CDK5RAP3: variants seen among roughly 807,000 people sequenced by gnomAD.
The protein encoded by CDK5RAP3 is CDK5 regulatory subunit-associated protein 3.
A neutral mutation model predicts 73.3 loss-of-function variants in CDK5RAP3; 58 were observed. The observed-to-expected ratio is 0.79, with a 90% confidence interval of 0.64 to 0.98. The LOEUF (loss-of-function observed/expected upper bound fraction) is 0.98, where lower values mean the gene tolerates loss of function less well. Among genes scored for constraint, CDK5RAP3 ranks in the 50% least tolerant of loss-of-function variants. The pLI is 0.00. For missense variants in CDK5RAP3, 525 were observed against 615.8 expected (o/e 0.85, Z 1.56); for synonymous variants, 224 against 247.5 (o/e 0.91, Z 0.89).
intron 10 of CDK5RAP3, 129 bp from the exon 11 acceptor site, chr17:47,978,700 A>G (rs1008254655): frequency 5.9e-6 from 4 of 679,490 alleles, no homozygotes; most frequent in Non-Finnish European, 1.0e-5. Flanking sequence ...TCCCCCTTGG[A>G]TTAGAACAAG....
chr17:47,979,323 C>G (rs1039942450), intron 11 of CDK5RAP3: 1 of 170,732 alleles, frequency 5.9e-6, no homozygotes, highest in African/African-American at 2.4e-5. Flanking sequence ...ATCTGGTGGT[C>G]AGGGAAGGCC....
chr17:47,975,602 TG>T lies in CDK5RAP3; in HGVS notation c.607del (p.Glu203LysfsTer72). On this transcript the variant is annotated frameshift_variant, in exon 7 of 14. Coordinates refer to ENST00000338399, the MANE Select transcript of CDK5RAP3 (RefSeq NM_176096.3). LOFTEE classifies it high-confidence loss of function. The part of the protein sequence containing the change: ...AEIGAAAQQS[L>X]GEAIDVYQAS... ...ATTGGGGCAGCGGCTCAGCAGTCCC[TG>T]GGGGAAGCCATTGACGTGTACCAGG... 6.2e-7 allele frequency: 1 copy of T among 1,608,512 alleles called. No homozygotes were observed.
chr17:47,974,433 GACA>G lies in CDK5RAP3; in HGVS notation c.323_325del (p.Asn108del). ...GGAGATTATAGCTCTGTATGAGAAG[GACA>G]ACACCTACTTAGGTAAAGTGGCCCG... On this transcript the variant is annotated inframe_deletion, in exon 5 of 14. Coordinates refer to ENST00000338399, the MANE Select transcript of CDK5RAP3 (RefSeq NM_176096.3). The G allele has an allele frequency of 6.2e-7, 1 of 1,614,170 alleles. No homozygotes were observed. The highest frequency in any genetic ancestry group is 8.5e-7 in the Non-Finnish European group (1 of 1,180,016).
chr17:47,976,576 C>G (rs1274369051), intron 8 of CDK5RAP3, 136 bp from the exon 9 acceptor site: 1 of 613,324 alleles, frequency 1.6e-6, no homozygotes, highest in Non-Finnish European at 3.0e-6. Context: ...ATTGCCCAGG[C>G]TGGTCTCAAA....
chr17:47,980,929 G>A, intron 12 of CDK5RAP3, 131 bp downstream of exon 12: 1 of 1,005,982 alleles, frequency 9.9e-7, no homozygotes, highest in Non-Finnish European at 1.5e-6. Flanking sequence ...GGGGATAGGG[G>A]TTCTCTTTGG....
At chr17:47,977,450 T>C (rs1001979087) in intron 9 of CDK5RAP3, among the ~76,000 whole-genome samples, 40 of 151,922 alleles carry the variant, frequency 2.6e-4, no homozygotes, top group African/African-American at 9.4e-4. Flanking sequence ...GCCCGGCTAA[T>C]TTTTGTATTT....
chr17:47,977,801 C>A (rs35751035), intron 9 of CDK5RAP3, 31 bp from the exon 10 acceptor site: 2 of 1,588,232 alleles, frequency 1.3e-6, no homozygotes, highest in Non-Finnish European at 1.7e-6. Flanking sequence ...AATTCTCCCC[C>A]CATTGCTGTG....
chr17:47,970,732 A>C, upstream of CDK5RAP3: 2 of 1,534,950 alleles, frequency 1.3e-6, no homozygotes, highest in Non-Finnish European at 1.7e-6. Flanking sequence ...AGGTATTTGC[A>C]ACGGCCTCCC....
At position 47,980,112 on chromosome 17, in the gene CDK5RAP3, G is replaced by A. The variant is rs545904682; in HGVS notation, c.1078-481G>A. On this transcript the variant is annotated intron_variant, in intron 11 of 13. Transcript: ENST00000338399. ...GGGTTAGGATGAGATAGGAGGTGGG[G>A]ACTGAAGGGTGACAGTAGTCTCTCC... The A allele has an allele frequency of 1.2e-3, 194 of 164,216 alleles. 2 individuals are homozygous for A. The highest frequency in any genetic ancestry group is 4.6e-3 in the African/African-American group (192 of 41,660). 10.2% of individuals were successfully genotyped at this position (164,216 alleles called of 1,614,324 possible). A position where few individuals can be genotyped will look rare whatever the true frequency, so the allele number is the denominator to read the frequency against.
intron 2 of CDK5RAP3, 89 bp downstream of exon 2, chr17:47,971,496 G>T: frequency 8.0e-7 from 1 of 1,255,956 alleles, no homozygotes; most frequent in Non-Finnish European, 1.1e-6. Context: ...TCTGACCCCT[G>T]AAAGCCTGAG....
At position 47,973,628 on chromosome 17, in the gene CDK5RAP3, C is replaced by T. The variant is rs997115604; in HGVS notation, c.162C>T (p.Ile54=). The T allele has an allele frequency of 3.7e-6, 6 of 1,613,978 alleles. No homozygotes were observed. Among genetic ancestry groups the T allele is most frequent in the South Asian group, 2.2e-5 (2 of 91,072 alleles). Residue 54 remains isoleucine (I), a synonymous_variant, in exon 3 of 14, where the codon ATC becomes ATT. Coordinates refer to ENST00000338399, the MANE Select transcript of CDK5RAP3 (RefSeq NM_176096.3). ...AGGACATGCCAGAGAGCGAAGAGAT[C>T]GCCCAGCTGCTGTCTGGGTCCTGTG... The part of the protein sequence containing the change: ...AIQDMPESEE[I]AQLLSGSYIH...
chr17:47,973,580 C>A lies in CDK5RAP3; in HGVS notation c.114C>A (p.Arg38=), dbSNP rs373356458. ...LKWQSLVLTI[R]EKINAAIQDM... is the part of the protein sequence containing the mutation. Reference sequence around the variant, plus strand: ...GGCAGAGTCTGGTGCTGACGATCCGCGAGAAGATCAATGCTGCCATCCAGG... The same window carrying A: ...GGCAGAGTCTGGTGCTGACGATCCGAGAGAAGATCAATGCTGCCATCCAGG... The change falls in exon 3 of 14, where the codon CGC becomes CGA. Residue 38 remains arginine, a synonymous_variant. Coordinates refer to ENST00000338399, the MANE Select transcript of CDK5RAP3 (RefSeq NM_176096.3). 1 of 1,614,148 alleles carries A rather than the reference C, an allele frequency of 6.2e-7. No individual in the cohort carries two copies.
At chr17:47,978,943 G>T (rs200395102) in intron 11 of CDK5RAP3, 26 bp downstream of exon 11, 203 of 1,581,936 alleles carry the variant, frequency 1.3e-4, no homozygotes, top group Non-Finnish European at 1.6e-4. Flanking sequence ...GAAGATGCAG[G>T]GGGGAGGCAT....
Position 47,971,168 on chromosome 17 carries a change from C to T in CDK5RAP3, c.6+16C>T. ...AAAGATGGAGGTGTGGGGACAGGAG[C>T]TGGGTGTGCTGGGGACTGGCCGCGG... On this transcript the variant is annotated intron_variant, in intron 1 of 13. Coordinates refer to ENST00000338399, the MANE Select transcript of CDK5RAP3 (RefSeq NM_176096.3). 3.2e-6 allele frequency: 5 copies of T among 1,545,580 alleles called. No homozygotes were observed. The highest frequency in any genetic ancestry group is 4.4e-6 in the Non-Finnish European group (5 of 1,143,556).
chr17:47,976,523 C>T, intron 8 of CDK5RAP3, 189 bp from the exon 9 acceptor site: 1 of 491,610 alleles, frequency 2.0e-6, no homozygotes, highest in Admixed American at 3.3e-5. Context: ...CCACTCCTAG[C>T]TAATTTTTTA....
chr17:47,971,181 G>A (rs1252529186), intron 1 of CDK5RAP3, 29 bp downstream of exon 1: 4 of 1,541,218 alleles, frequency 2.6e-6, no homozygotes, highest in Non-Finnish European at 3.5e-6. Context: ...GGTGTGCTGG[G>A]GACTGGCCGC....
At chr17:47,970,705 G>T, upstream of CDK5RAP3, 1 of 1,535,652 alleles carries the variant, frequency 6.5e-7, no homozygotes, top group South Asian at 1.2e-5. Flanking sequence ...ATGGTAAAGC[G>T]ACGCAAGGAG....
At chr17:47,980,964 T>G in intron 12 of CDK5RAP3, 166 bp downstream of exon 12, 1 of 858,430 alleles carries the variant, frequency 1.2e-6, no homozygotes, top group East Asian at 2.6e-5. Flanking sequence ...GTTTCACATA[T>G]ACAGGAAGAA....
upstream of CDK5RAP3, among the ~76,000 whole-genome samples, chr17:47,969,812 G>A (rs907251544): frequency 1.3e-5 from 2 of 152,016 alleles, no homozygotes; most frequent in Admixed American, 6.6e-5. Flanking sequence ...CTTTCCATCT[G>A]GGGGTCTCCC....
Sources: allele counts gnomAD v4.1 joint callset (sites outside exome capture counted in the v4.1 genomes callset), GRCh38; gene constraint gnomAD v4.1.1; transcripts MANE v1.5; gene names NCBI Gene and HGNC (gene_info 2026-07-23, HGNC 2026-07-21).